The following COLEC12 variants were observed in gnomAD, a reference collection of about 807,000 sequenced individuals.
COLEC12 encodes the protein collectin-12.
In COLEC12, 33 loss-of-function variants were observed where a neutral mutation model predicts 71.1. The observed-to-expected ratio is 0.46, with a 90% confidence interval of 0.35 to 0.62. The LOEUF (loss-of-function observed/expected upper bound fraction) is 0.62, where lower values mean the gene tolerates loss of function less well. Among genes scored for constraint, COLEC12 ranks in the 20% least tolerant of loss-of-function variants. The probability of loss-of-function intolerance (pLI) is 0.00; values close to 1 mark genes in which losing one functional copy is unlikely to be tolerated. For missense variants in COLEC12, 765 were observed against 916.1 expected (o/e 0.84, Z 2.13); for synonymous variants, 350 against 353.0 (o/e 0.99, Z 0.10).
rs1162380554 is a variant in COLEC12 at position 324,919 on chromosome 18, GT to G, written c.2064-3113del. On this transcript the variant is annotated intron_variant, in intron 8 of 9. Coordinates refer to ENST00000400256, the MANE Select transcript of COLEC12 (RefSeq NM_130386.3). ...ACATCTTCTAATTCAGCCTAGCGCA[GT>G]GGCTCACACTGTAATCCCAGCACTT... 2.0e-5 allele frequency among the ~76,000 whole-genome samples: 3 copies of G among 152,286 alleles called. No homozygotes were observed. In the East Asian group the frequency reaches 5.8e-4, roughly 30 times the overall value.
At chr18:482,814 T>C (rs189266961) in intron 1 of COLEC12, among the ~76,000 whole-genome samples, 10 of 151,704 alleles carry the variant, frequency 6.6e-5, no homozygotes, top group Non-Finnish European at 1.5e-4. Flanking sequence ...GGTTTCACCA[T>C]GTTGGGCAGG....
chr18:477,427 A>G (rs746797706), intron 2 of COLEC12, among the ~76,000 whole-genome samples: 1 of 152,222 alleles, frequency 6.6e-6, no homozygotes, highest in Non-Finnish European at 1.5e-5. Context: ...TACTTGCATA[A>G]GCAATATATA....
chr18:345,805 T>C (rs1914358032), intron 5 of COLEC12, among the ~76,000 whole-genome samples: 1 of 152,274 alleles, frequency 6.6e-6, no homozygotes, highest in Non-Finnish European at 1.5e-5. Context: ...CTTTTCAAGA[T>C]GTGGAACTTA....
chr18:320,664 G>A (rs1479752185), intron 9 of COLEC12, among the ~76,000 whole-genome samples: 1 of 152,186 alleles, frequency 6.6e-6, no homozygotes, highest in Non-Finnish European at 1.5e-5. Flanking sequence ...TAGTCACAAA[G>A]TTATGCAATT....
At chr18:462,246 T>C (rs1286274102) in intron 2 of COLEC12, among the ~76,000 whole-genome samples, 1 of 152,186 alleles carries the variant, frequency 6.6e-6, no homozygotes, top group African/African-American at 2.4e-5. Context: ...AGCAGCATTA[T>C]TTATAATAGC....
intron 2 of COLEC12, among the ~76,000 whole-genome samples, chr18:475,438 G>A (rs1343492848): frequency 6.6e-6 from 1 of 152,094 alleles, no homozygotes; most frequent in African/African-American, 2.4e-5. Context: ...GGAGATAGAT[G>A]GCTTCAAATC....
chr18:330,957 A>G (rs1913965522), intron 8 of COLEC12, among the ~76,000 whole-genome samples: 1 of 145,414 alleles, frequency 6.9e-6, no homozygotes, highest in Non-Finnish European at 1.5e-5. Context: ...TCGGCTTGCT[A>G]CAACCTCCGC....
intron 2 of COLEC12, among the ~76,000 whole-genome samples, chr18:428,925 A>C (rs929497086): frequency 4.6e-5 from 7 of 152,218 alleles, no homozygotes; most frequent in African/African-American, 1.7e-4. Flanking sequence ...CTTTTATAAA[A>C]GGTATTTTTT....
chr18:366,028 C>T (rs1195167701), intron 2 of COLEC12, among the ~76,000 whole-genome samples: 1 of 152,198 alleles, frequency 6.6e-6, no homozygotes, highest in Non-Finnish European at 1.5e-5. Flanking sequence ...CACATCACCA[C>T]ATTCCATTCT....
rs141452042 is a variant in COLEC12, at chr18:455,751, G to C, written c.58+24956C>G. Among the ~76,000 whole-genome samples the C allele has an allele frequency of 8.6e-3, 1,308 of 152,018 alleles. 91 individuals carry two copies. In the East Asian group the frequency reaches 0.17, roughly 20 times the overall value. ...TTATGAGTGAGAACATGCAGTGTTT[G>C]GTTTTCTGTTCCTGTGTTAGTTTGC... On this transcript the variant is annotated intron_variant, in intron 2 of 9. Transcript: ENST00000400256.
In COLEC12 at chr18:347,064, G is replaced by A. The variant is rs775759804; in HGVS notation, c.558C>T (p.Ser186=). 5 of 1,614,044 alleles carry A rather than the reference G, an allele frequency of 3.1e-6. No homozygotes were observed. Among genetic ancestry groups the A allele is most frequent in the Middle Eastern group, 1.6e-4 (1 of 6,084 alleles). ...GGTTCTGCAGATTGCCCTGGAGCAC[G>A]CTGGTATCTTGCTGCAGATTCGTGA... ...GYVTNLQQDT[S]VLQGNLQNQM... The change falls in exon 5 of 10, where the codon AGC becomes AGT. Residue 186 remains serine, a synonymous_variant. Coordinates refer to ENST00000400256, the MANE Select transcript of COLEC12 (RefSeq NM_130386.3).
chr18:467,990 G>T (rs556310839), intron 2 of COLEC12, among the ~76,000 whole-genome samples: 4 of 152,126 alleles, frequency 2.6e-5, no homozygotes, highest in Non-Finnish European at 4.4e-5. Flanking sequence ...CAGGCCGGGC[G>T]CAGTGCCTCA....
intron 2 of COLEC12, among the ~76,000 whole-genome samples, chr18:416,584 C>G (rs1915990079): frequency 1.3e-5 from 2 of 152,052 alleles, no homozygotes; most frequent in Non-Finnish European, 2.9e-5. Context: ...TCATTATGAG[C>G]AAGAGGTAAC....
intron 2 of COLEC12, among the ~76,000 whole-genome samples, chr18:391,606 T>C (rs1418933647): frequency 6.6e-6 from 1 of 152,158 alleles, no homozygotes; most frequent in Non-Finnish European, 1.5e-5. Context: ...GGGACACTAG[T>C]TTATAATTTA....
At chr18:389,961 C>T (rs1377389908) in intron 2 of COLEC12, among the ~76,000 whole-genome samples, 1 of 152,232 alleles carries the variant, frequency 6.6e-6, no homozygotes, top group South Asian at 2.1e-4. Context: ...ACATCTGTAG[C>T]TTTCTGATGA....
At chr18:400,738 AC>A (rs1915667117) in intron 2 of COLEC12, among the ~76,000 whole-genome samples, 1 of 152,238 alleles carries the variant, frequency 6.6e-6, no homozygotes, top group African/African-American at 2.4e-5. Context: ...ATGCCTGAGC[AC>A]ATGGCTGTCG....
chr18:492,439 C>G (rs1917634877), intron 1 of COLEC12, among the ~76,000 whole-genome samples: 1 of 152,212 alleles, frequency 6.6e-6, no homozygotes, highest in African/African-American at 2.4e-5. Flanking sequence ...ACTGCAAGAA[C>G]TTAGAAGTAA....
intron 2 of COLEC12, among the ~76,000 whole-genome samples, chr18:396,760 C>T (rs117716533): frequency 0.011 from 1,684 of 152,322 alleles, 18 homozygotes; most frequent in Middle Eastern, 0.031. Flanking sequence ...GCTCATAGGC[C>T]TTTTCTTTCC....
In COLEC12 at chr18:357,464, A is replaced by G. The variant is rs778538851; in HGVS notation, c.117T>C (p.Ser39=). The G allele has an allele frequency of 6.3e-7, 1 of 1,598,084 alleles. No homozygotes were observed. The highest frequency in any genetic ancestry group is 1.1e-5 in the South Asian group (1 of 87,404). The change falls in exon 3 of 10, where the codon TCT becomes TCC. Residue 39 remains serine, a synonymous_variant. Coordinates refer to ENST00000400256, the MANE Select transcript of COLEC12 (RefSeq NM_130386.3). ...KCKNNWALKF[S]IILLYILCAL... ...CACACAAAATGTATAATAATATGATAGAAAACTTCAGTGCCCAGTTATTTT... is the reference window on the plus strand; with the variant it reads ...CACACAAAATGTATAATAATATGATGGAAAACTTCAGTGCCCAGTTATTTT...
Sources: allele counts gnomAD v4.1 joint callset (sites outside exome capture counted in the v4.1 genomes callset), GRCh38; gene constraint gnomAD v4.1.1; transcripts MANE v1.5; gene names NCBI Gene and HGNC (gene_info 2026-07-23, HGNC 2026-07-21).